Variants in KLHL13 observed in about 807,000 individuals in gnomAD.
The protein encoded by KLHL13 is kelch like family member 13.
KLHL13 carries 10 observed loss-of-function variants against 37.1 expected under a neutral mutation model. The observed-to-expected ratio is 0.27, with a 90% CI of 0.17 to 0.46. The LOEUF is 0.46. Among genes scored for constraint, KLHL13 ranks in the 20% least tolerant of loss-of-function variants. The probability of loss-of-function intolerance (pLI) is 1.00; values close to 1 mark genes in which losing one functional copy is unlikely to be tolerated. For missense variants in KLHL13, 360 were observed against 509.3 expected, an observed-to-expected ratio of 0.71 and a Z score of 2.82; for synonymous variants, 163 against 181.2, an observed-to-expected ratio of 0.90 and a Z score of 0.81.
chrX:117,960,135 T>C (rs1030050545), intron 1 of KLHL13, among the ~76,000 whole-genome samples: 1 of 111,129 alleles, frequency 9.0e-6, no homozygotes, highest in Non-Finnish European at 1.9e-5. Flanking sequence ...CCCAGCACTT[T>C]GCGGGGCACA....
At chrX:117,908,365 G>T (rs1482165259) in intron 5 of KLHL13, among the ~76,000 whole-genome samples, 1 of 108,847 alleles carries the variant, frequency 9.2e-6, no homozygotes, top group African/African-American at 3.3e-5. Context: ...CCTACATTAG[G>T]TATTTCTCCT....
At chrX:118,031,628 T>C (rs1368935881) in intron 1 of KLHL13, among the ~76,000 whole-genome samples, 1 of 99,998 alleles carries the variant, frequency 1.0e-5, no homozygotes, top group Non-Finnish European at 2.0e-5. Context: ...TTTAGTTGTA[T>C]ATATATTTAG....
chrX:118,041,941 C>G (rs2054510841), intron 1 of KLHL13, among the ~76,000 whole-genome samples: 1 of 111,330 alleles, frequency 9.0e-6, no homozygotes, highest in African/African-American at 3.3e-5. Flanking sequence ...AAACAAGACC[C>G]AAAGATCTGT....
intron 2 of KLHL13, among the ~76,000 whole-genome samples, chrX:117,925,145 T>C (rs980987190): frequency 5.4e-5 from 6 of 111,553 alleles, no homozygotes; most frequent in African/African-American, 1.9e-4. Context: ...AGACAAGCTA[T>C]GAATAATTTG....
intron 1 of KLHL13, among the ~76,000 whole-genome samples, chrX:118,090,469 A>C (rs1387014012): frequency 8.9e-6 from 1 of 112,133 alleles, no homozygotes; most frequent in Non-Finnish European, 1.9e-5. Flanking sequence ...TGGGTGAAGG[A>C]TATCAACAGA....
At chrX:118,008,283 G>T (rs1296811322) in intron 1 of KLHL13, among the ~76,000 whole-genome samples, 1 of 111,903 alleles carries the variant, frequency 8.9e-6, no homozygotes, top group African/African-American at 3.2e-5. Context: ...TCTGTTAAAA[G>T]AAAAAATTAC....
chrX:117,982,844 A>G (rs1459839034), intron 1 of KLHL13, among the ~76,000 whole-genome samples: 2 of 111,529 alleles, frequency 1.8e-5, no homozygotes, highest in Non-Finnish European at 3.8e-5. Context: ...GCCTTAGCAT[A>G]TGAACACTGG....
intron 1 of KLHL13, among the ~76,000 whole-genome samples, chrX:118,029,657 C>T (rs746480805): frequency 1.6e-4 from 18 of 111,860 alleles, no homozygotes; most frequent in East Asian, 2.8e-4. Flanking sequence ...ATGCATAATA[C>T]GCAATTTAGT....
At chrX:118,003,105 G>C (rs1376438077) in intron 1 of KLHL13, among the ~76,000 whole-genome samples, 1 of 112,722 alleles carries the variant, frequency 8.9e-6, no homozygotes, top group Non-Finnish European at 1.9e-5. Context: ...CTAATGTGAA[G>C]AGCTTTCTAT....
intron 1 of KLHL13, among the ~76,000 whole-genome samples, chrX:118,111,422 T>C (rs1021493360): frequency 1.8e-5 from 2 of 112,899 alleles, no homozygotes; most frequent in African/African-American, 6.4e-5. Context: ...ATAAAATCTT[T>C]TTCAGTTTTC....
chrX:118,015,401 A>T (rs2054116961), intron 1 of KLHL13, among the ~76,000 whole-genome samples: 1 of 111,617 alleles, frequency 9.0e-6, no homozygotes, highest in Non-Finnish European at 1.9e-5. Flanking sequence ...AAACAAACAA[A>T]AAATTGTGGA....
At chrX:117,898,036 T>C (rs1929844567) in exon 7 of KLHL13, 1 of 111,923 alleles carries the variant, frequency 8.9e-6, no homozygotes, top group South Asian at 3.8e-4. Context: ...ATTTTGTTGC[T>C]CAAAATTTCT....
chrX:118,107,702 A>C (rs1456023674), intron 1 of KLHL13, among the ~76,000 whole-genome samples: 1 of 111,509 alleles, frequency 9.0e-6, no homozygotes, highest in East Asian at 2.8e-4. Flanking sequence ...ATTTGAACCC[A>C]AGCCTATGAT....
chrX:117,942,049 T>C (rs947296261), intron 2 of KLHL13, among the ~76,000 whole-genome samples: 32 of 112,033 alleles, frequency 2.9e-4, no homozygotes, highest in Admixed American at 2.5e-3. Flanking sequence ...TCTCATTGGT[T>C]TCAAAGAACT....
chrX:118,086,819 A>C (rs2055059266), intron 1 of KLHL13, among the ~76,000 whole-genome samples: 1 of 111,470 alleles, frequency 9.0e-6, no homozygotes, highest in Admixed American at 9.6e-5. Context: ...ATGCCTTTAT[A>C]ATTTAAAAAA....
intron 4 of KLHL13, among the ~76,000 whole-genome samples, chrX:117,913,118 C>T (rs1440273544): frequency 9.0e-6 from 1 of 111,010 alleles, no homozygotes; most frequent in Admixed American, 9.6e-5. Flanking sequence ...TATAAATAGA[C>T]CAAAACTGAT....
intron 1 of KLHL13, among the ~76,000 whole-genome samples, chrX:118,032,394 G>A (rs1280473446): frequency 8.9e-6 from 1 of 111,838 alleles, no homozygotes; most frequent in African/African-American, 3.3e-5. Context: ...CTGGAGATCT[G>A]AGAACGGGCA....
intron 1 of KLHL13, among the ~76,000 whole-genome samples, chrX:118,051,144 A>G (rs975990699): frequency 9.0e-6 from 1 of 110,891 alleles, no homozygotes; most frequent in African/African-American, 3.3e-5. Flanking sequence ...ATCATATTCT[A>G]TAAGTACTGG....
chrX:118,002,152 C>T (rs1280478207), intron 1 of KLHL13, among the ~76,000 whole-genome samples: 2 of 111,732 alleles, frequency 1.8e-5, no homozygotes, highest in African/African-American at 6.5e-5. Context: ...TGAGTCTCTA[C>T]TTTGCCTAAA....
Sources: allele counts gnomAD v4.1 joint callset (sites outside exome capture counted in the v4.1 genomes callset), GRCh38; gene constraint gnomAD v4.1.1; transcripts MANE v1.5; gene names NCBI Gene and HGNC (gene_info 2026-07-23, HGNC 2026-07-21).